CFAP54: variants seen among roughly 807,000 people sequenced by gnomAD.
The protein encoded by CFAP54 is cilia- and flagella-associated protein 54.
In CFAP54, 290 loss-of-function variants were observed where a neutral mutation model predicts 370.4. The observed-to-expected ratio is 0.78, with a 90% CI of 0.71 to 0.86. The LOEUF is 0.86. Ranked by LOEUF, CFAP54 falls within the 40% of genes least tolerant of loss-of-function variation. CFAP54 has a pLI of 0.00. For missense variants in CFAP54, 3,399 were observed against 3,528.7 expected (o/e 0.96, Z 0.93); for synonymous variants, 1,206 against 1,236.5 (o/e 0.98, Z 0.52).
At chr12:96,864,779 G>A (rs1318014225) in intron 67 of CFAP54, among the ~76,000 whole-genome samples, 1 of 152,106 alleles carries the variant, frequency 6.6e-6, no homozygotes, top group Non-Finnish European at 1.5e-5. Context: ...GCTCAAGAGT[G>A]TCGTAAGTGT....
chr12:96,755,052 C>T (rs1958237967), intron 56 of CFAP54, among the ~76,000 whole-genome samples: 2 of 152,066 alleles, frequency 1.3e-5, no homozygotes. Context: ...CCTGCTAATG[C>T]CTATATTTGA....
chr12:96,691,062 C>A lies in CFAP54; in HGVS notation c.6082-66C>A, dbSNP rs576218837. On this transcript the variant is annotated intron_variant, in intron 43 of 67. Transcript: ENST00000524981. ...TTTATAAAGCAATACATGTATTTATCTTTTTTGTTTCATTATTGAAAATGC... is the reference window on the plus strand; with the variant it reads ...TTTATAAAGCAATACATGTATTTATATTTTTTGTTTCATTATTGAAAATGC... 5.0e-5 allele frequency: 71 copies of A among 1,408,874 alleles called. No homozygotes were observed. In the African/African-American group the frequency reaches 9.5e-4, roughly 19 times the overall value. 87.3% of individuals were successfully genotyped at this position (1,408,874 alleles called of 1,614,324 possible).
At chr12:96,506,087 C>T (rs2136352814) in intron 3 of CFAP54, among the ~76,000 whole-genome samples, 1 of 152,212 alleles carries the variant, frequency 6.6e-6, no homozygotes, top group African/African-American at 2.4e-5. Context: ...CGCCTGTAAT[C>T]CTAGCACTTT....
At chr12:96,675,795 G>A (rs1270340971) in intron 39 of CFAP54, among the ~76,000 whole-genome samples, 4 of 152,050 alleles carry the variant, frequency 2.6e-5, no homozygotes, top group Non-Finnish European at 5.9e-5. Context: ...GTAGGGACAT[G>A]GATGAAGCTG....
At chr12:96,740,578 G>T (rs1958039430) in intron 51 of CFAP54, among the ~76,000 whole-genome samples, 1 of 152,122 alleles carries the variant, frequency 6.6e-6, no homozygotes, top group African/African-American at 2.4e-5. Flanking sequence ...GATTGTTTAG[G>T]ACTGAATTAT....
At position 96,817,842 on chromosome 12, in the gene CFAP54, C is replaced by A; in HGVS notation, c.9025C>A (p.Pro3009Thr). The change falls in exon 65 of 68, where the codon CCT becomes ACT. Residue 3009 changes from proline to threonine, a missense_variant. Physicochemically the swap from Pro to Thr is conservative, Grantham distance 38. Around this residue, in one of 3 missense-constraint regions of CFAP54, gnomAD observed 2,796 missense variants for 2,869.7 expected, o/e 0.97. Transcript: ENST00000524981. ...AGCTGAACTATCATTGCCAGCAGCT[C>A]CTGAAATTACCTCAAATGAAAACAT... The part of the protein sequence containing the change: ...QIAELSLPAA[P>T]EITSNENIYE... The A allele has an allele frequency of 6.6e-7, 1 of 1,513,044 alleles. No homozygotes were observed. The highest frequency in any genetic ancestry group is 8.8e-7 in the Non-Finnish European group (1 of 1,133,344). 93.7% of individuals were successfully genotyped at this position (1,513,044 alleles called of 1,614,324 possible). A position where few individuals can be genotyped will look rare whatever the true frequency, so the allele number is the denominator to read the frequency against.
intron 32 of CFAP54, among the ~76,000 whole-genome samples, chr12:96,642,680 G>T (rs1177485548): frequency 1.3e-5 from 2 of 152,110 alleles, no homozygotes; most frequent in Non-Finnish European, 2.9e-5. Flanking sequence ...TATATAGAAG[G>T]TAGTTTCAGG....
intron 5 of CFAP54, among the ~76,000 whole-genome samples, chr12:96,515,384 G>A (rs774451797): frequency 6.6e-6 from 1 of 151,870 alleles, no homozygotes; most frequent in Non-Finnish European, 1.5e-5. Flanking sequence ...AATTTTGGGG[G>A]AGGGGTGGGT....
intron 19 of CFAP54, chr12:96,572,727 G>C (rs1471407958): frequency 3.0e-6 from 1 of 330,908 alleles, no homozygotes; most frequent in Non-Finnish European, 4.3e-6. Context: ...AATTATCCTT[G>C]GTGTTTGTAA....
At chr12:96,600,487 A>G in intron 26 of CFAP54, among the ~76,000 whole-genome samples, 1 of 152,172 alleles carries the variant, frequency 6.6e-6, no homozygotes, top group African/African-American at 2.4e-5. Context: ...TTGGTTTCCT[A>G]TAAAACTTAA....
At chr12:96,654,848 T>TA (rs398044694) in intron 36 of CFAP54, among the ~76,000 whole-genome samples, 5 of 151,208 alleles carry the variant, frequency 3.3e-5, no homozygotes, top group Admixed American at 1.3e-4. Context: ...TTTTTTTTTT[T>TA]AAGAAATGAG....
Position 96,827,593 on chromosome 12 carries a change from G to GTGATTATATATAGTGTGCAATTATA in CFAP54, c.9097-1418_9097-1394dup. ...GATTATATATAGTGTGCAGTTATATGTGATTATATATAGTGTGCAATTATA... is the reference window on the plus strand; with the variant it reads ...GATTATATATAGTGTGCAGTTATATGTGATTATATATAGTGTGCAATTATATGATTATATATAGTGTGCAATTATA... On this transcript the variant is annotated intron_variant, in intron 65 of 67. Transcript: ENST00000524981. Among the ~76,000 whole-genome samples, 2 of 125,340 alleles carry GTGATTATATATAGTGTGCAATTATA rather than the reference G, an allele frequency of 1.6e-5. 1 individual carries two copies. Among genetic ancestry groups the GTGATTATATATAGTGTGCAATTATA allele is most frequent in the South Asian group, 5.5e-4 (2 of 3,618 alleles). 82.2% of individuals were successfully genotyped at this position (125,340 alleles called of 152,430 possible). A position where few individuals can be genotyped will look rare whatever the true frequency, so the allele number is the denominator to read the frequency against.
chr12:96,581,689 T>C (rs769370794), intron 22 of CFAP54, among the ~76,000 whole-genome samples: 21 of 143,528 alleles, frequency 1.5e-4, no homozygotes, highest in African/African-American at 4.8e-4. Flanking sequence ...TATATATATA[T>C]ACATGCACAC....
intron 17 of CFAP54, among the ~76,000 whole-genome samples, chr12:96,557,171 C>A (rs921218267): frequency 1.3e-5 from 2 of 152,138 alleles, no homozygotes; most frequent in African/African-American, 4.8e-5. Flanking sequence ...CATTCTTTGG[C>A]TCATGACCAC....
chr12:96,616,739 T>A (rs1443766170), intron 26 of CFAP54, among the ~76,000 whole-genome samples: 1 of 152,202 alleles, frequency 6.6e-6, no homozygotes, highest in Admixed American at 6.5e-5. Flanking sequence ...GAGGATATAA[T>A]GCAATATTTC....
At chr12:96,756,420 A>G in intron 56 of CFAP54, 38 bp from the exon 57 acceptor site, 1 of 1,273,352 alleles carries the variant, frequency 7.9e-7, no homozygotes, top group Admixed American at 2.3e-5. Flanking sequence ...AGTGCTAGAA[A>G]AAGGAAAAAC....
rs751441080 is a variant in CFAP54 at position 96,489,675 on chromosome 12, A to G, written c.66A>G (p.Pro22=). ...SDDSTTSGSL[P]ELPPTSTATS... is the part of the protein sequence containing the mutation. Reference sequence around the variant, plus strand: ...ACTCTACCACCTCGGGGTCTCTGCCAGAACTGCCGCCGACCTCCACCGCGA... The same window carrying G: ...ACTCTACCACCTCGGGGTCTCTGCCGGAACTGCCGCCGACCTCCACCGCGA... Residue 22 remains proline, a synonymous_variant, in exon 1 of 68, where the codon CCA becomes CCG. Coordinates refer to ENST00000524981, the MANE Select transcript of CFAP54 (RefSeq NM_001306084.2). 134 of 1,535,716 alleles carry G rather than the reference A, an allele frequency of 8.7e-5. 1 individual carries two copies. The Middle Eastern group carries it at 1.0e-3, about 11-fold the overall frequency.
At chr12:96,503,378 C>T (rs1370970765) in intron 2 of CFAP54, among the ~76,000 whole-genome samples, 1 of 143,866 alleles carries the variant, frequency 7.0e-6, no homozygotes, top group Non-Finnish European at 1.5e-5. Context: ...TCCCTTCCCT[C>T]CTTCCTTCCT....
intron 51 of CFAP54, 37 bp downstream of exon 51, chr12:96,740,098 T>C (rs1158325780): frequency 1.7e-6 from 2 of 1,146,278 alleles, no homozygotes; most frequent in South Asian, 1.3e-5. Flanking sequence ...ACAATACTTA[T>C]CATATAAGAA....
Sources: allele counts gnomAD v4.1 joint callset (sites outside exome capture counted in the v4.1 genomes callset), GRCh38; gene constraint gnomAD v4.1.1; regional missense constraint gnomAD v4.1.1; transcripts MANE v1.5; gene names NCBI Gene and HGNC (gene_info 2026-07-23, HGNC 2026-07-21).